The following NRG1 variants were observed in gnomAD, a reference collection of about 807,000 sequenced individuals.
NRG1 encodes the protein pro-neuregulin-1, membrane-bound isoform.
NRG1 carries 18 observed loss-of-function variants against 63.8 expected under a neutral mutation model. That is an observed-to-expected ratio of 0.28 (90% confidence interval 0.19 to 0.42). The LOEUF is 0.42. Among genes scored for constraint, NRG1 ranks in the 10% least tolerant of loss-of-function variants. The pLI, the probability that NRG1 is intolerant of heterozygous loss-of-function variation, is 1.00. For synonymous variants in NRG1, 302 were observed against 301.3 expected (o/e 1.00, Z -0.02); for missense variants, 762 against 814.7 (o/e 0.94, Z 0.79).
intron 1 of NRG1, among the ~76,000 whole-genome samples, chr8:32,218,467 C>T (rs1845474846): frequency 6.6e-6 from 1 of 152,184 alleles, no homozygotes; most frequent in Admixed American, 6.5e-5. Flanking sequence ...TCATTCTTTG[C>T]TCAATTAAAG....
At chr8:32,200,727 A>G (rs1843418106) in intron 1 of NRG1, among the ~76,000 whole-genome samples, 1 of 152,190 alleles carries the variant, frequency 6.6e-6, no homozygotes, top group Non-Finnish European at 1.5e-5. Context: ...CTAGAACTGG[A>G]AGCAGAAAGT....
chr8:32,659,146 C>CTT (rs11408766), intron 5 of NRG1, among the ~76,000 whole-genome samples: 1,830 of 135,992 alleles, frequency 0.013, 28 homozygotes, highest in African/African-American at 0.04. Context: ...CTTTTCTTTT[C>CTT]TTTTTTTTTT....
In NRG1 at chr8:31,763,843, G is replaced by T. The variant is rs528581223; in HGVS notation, c.37+124412G>T. Among the ~76,000 whole-genome samples, 169 of 152,050 alleles carry T rather than the reference G, an allele frequency of 1.1e-3. 5 individuals carry two copies. The highest frequency in any genetic ancestry group is 3.1e-4 in the Non-Finnish European group (21 of 67,984). ...CGGGTGGCTGTAGTCCCAGCTACTT[G>T]GGAGGCTGAGGCAGGAGAATGGCGT... On this transcript the variant is annotated intron_variant, in intron 1 of 10. Transcript: ENST00000519301.
rs188919475 is a variant in NRG1, at chr8:32,104,587, A to C, written c.37+465156A>C. ...TTTCAAAACTTTTTGACTCTTTTTC[A>C]ATAATAGCTTGAAATACAAACACAT... is the stretch of plus-strand genomic sequence containing the variant. On this transcript the variant is annotated intron_variant, in intron 1 of 10. Transcript: ENST00000519301. Among the ~76,000 whole-genome samples, 354 of 152,298 alleles carry C rather than the reference A, an allele frequency of 2.3e-3. 1 individual carries two copies. Among genetic ancestry groups the C allele is most frequent in the Admixed American group, 4.2e-3 (65 of 15,304 alleles).
At chr8:32,745,672 G>GA (rs879720553) in intron 7 of NRG1, among the ~76,000 whole-genome samples, 2 of 141,974 alleles carry the variant, frequency 1.4e-5, no homozygotes, top group South Asian at 4.4e-4. Context: ...GTGGTGTGTG[G>GA]GGGGTGTGTG....
At chr8:32,483,992 A>G (rs1255754526) in intron 1 of NRG1, among the ~76,000 whole-genome samples, 2 of 152,084 alleles carry the variant, frequency 1.3e-5, no homozygotes, top group Admixed American at 1.3e-4. Flanking sequence ...AGTCCCAGCT[A>G]CTAGGGAGGC....
At chr8:32,726,345 T>G (rs1381475313) in intron 5 of NRG1, among the ~76,000 whole-genome samples, 2 of 152,128 alleles carry the variant, frequency 1.3e-5, no homozygotes, top group African/African-American at 4.8e-5. Flanking sequence ...CCAATTCCTT[T>G]ATCTAGATTA....
chr8:32,392,547 A>G (rs1193451702), intron 1 of NRG1, among the ~76,000 whole-genome samples: 1 of 152,176 alleles, frequency 6.6e-6, no homozygotes, highest in Admixed American at 6.5e-5. Context: ...CAATTATACC[A>G]TTATCATCTA....
chr8:32,304,799 G>A (rs1289297776), intron 1 of NRG1, among the ~76,000 whole-genome samples: 2 of 152,036 alleles, frequency 1.3e-5, no homozygotes, highest in Non-Finnish European at 2.9e-5. Context: ...GAAGCAGGCA[G>A]ATCACTTAAG....
chr8:32,329,725 GA>G (rs1012246209), intron 1 of NRG1, among the ~76,000 whole-genome samples: 9 of 151,198 alleles, frequency 6.0e-5, no homozygotes, highest in Admixed American at 2.0e-4. Flanking sequence ...ACAAAAACAG[GA>G]AAAAAAACCC....
rs146886059 is a variant in NRG1, at chr8:32,628,477, T to C, written c.502+11592T>C. Among the ~76,000 whole-genome samples the C allele has an allele frequency of 4.8e-4, 73 of 152,174 alleles. 3 individuals carry two copies. The East Asian group carries it at 0.013, about 26-fold the overall frequency. On this transcript the variant is annotated intron_variant, in intron 5 of 11. Transcript: ENST00000356819. ...GTCCCTGGGTATGTTTTAGGATACA[T>C]AGATTATGGGGGTGGGAGAGTTACC...
intron 1 of NRG1, among the ~76,000 whole-genome samples, chr8:32,462,664 C>T (rs565953444): frequency 3.9e-4 from 51 of 132,074 alleles, no homozygotes; most frequent in African/African-American, 1.2e-3. Context: ...AGTTCAGTGG[C>T]GCAATCTCGG....
At chr8:32,585,770 T>C (rs1179935244) in intron 1 of NRG1, among the ~76,000 whole-genome samples, 1 of 152,232 alleles carries the variant, frequency 6.6e-6, no homozygotes, top group Non-Finnish European at 1.5e-5. Context: ...TCAGACTGTC[T>C]TTTGCACGTG....
At chr8:31,728,576 CA>C (rs1439908156) in intron 1 of NRG1, among the ~76,000 whole-genome samples, 6 of 151,878 alleles carry the variant, frequency 4.0e-5, no homozygotes, top group Non-Finnish European at 5.9e-5. Context: ...GTAGAAAAAC[CA>C]AAAGGGTGCA....
At chr8:32,365,115 TG>T (rs553404974) in intron 1 of NRG1, among the ~76,000 whole-genome samples, 13 of 151,996 alleles carry the variant, frequency 8.6e-5, no homozygotes, top group Non-Finnish European at 1.9e-4. Flanking sequence ...CTTGAACTCC[TG>T]AGCTCATGCA....
At chr8:31,872,543 A>AT (rs1445687794) in intron 1 of NRG1, among the ~76,000 whole-genome samples, 7 of 152,118 alleles carry the variant, frequency 4.6e-5, no homozygotes, top group Non-Finnish European at 7.4e-5. Flanking sequence ...AAAATGAGCT[A>AT]TTTTTTTCTT....
intron 1 of NRG1, among the ~76,000 whole-genome samples, chr8:32,405,112 ATC>A (rs2129484921): frequency 6.6e-6 from 1 of 152,328 alleles, no homozygotes; most frequent in Admixed American, 6.5e-5. Flanking sequence ...AGTTTGCCAT[ATC>A]CAGGCTGTCC....
intron 1 of NRG1, among the ~76,000 whole-genome samples, chr8:32,070,513 C>T (rs1825594487): frequency 6.6e-6 from 1 of 152,170 alleles, no homozygotes; most frequent in Non-Finnish European, 1.5e-5. Flanking sequence ...ACTGGCTTTC[C>T]TGTTTTCCTA....
intron 1 of NRG1, among the ~76,000 whole-genome samples, chr8:32,086,253 T>C (rs1257376060): frequency 1.3e-5 from 2 of 152,242 alleles, no homozygotes; most frequent in Non-Finnish European, 2.9e-5. Context: ...AACTTTCTTA[T>C]CTCAATTAAA....
Sources: gnomAD v4.1 joint callset for allele counts (sites outside exome capture counted in the v4.1 genomes callset) on GRCh38, gnomAD v4.1.1 for gene constraint, MANE v1.5 for transcripts, NCBI Gene and HGNC (gene_info 2026-07-23, HGNC 2026-07-21) for gene names.